Variants in GATA4 observed in about 807,000 individuals in gnomAD.
GATA4 encodes GATA binding protein 4.
GATA4 carries 7 observed loss-of-function variants against 37.9 expected under a neutral mutation model. The observed-to-expected ratio is 0.18, with a 90% CI of 0.11 to 0.35. The LOEUF is 0.35. Among genes scored for constraint, GATA4 ranks in the 10% least tolerant of loss-of-function variants. GATA4 has a pLI of 1.00. For missense variants in GATA4, 647 were observed against 653.0 expected (o/e 0.99, Z 0.10); for synonymous variants, 372 against 292.6 (o/e 1.27, Z -2.77).
chr8:11,757,722 C>A (rs903333767), intron 6 of GATA4, among the ~76,000 whole-genome samples: 12 of 152,230 alleles, frequency 7.9e-5, no homozygotes, highest in African/African-American at 2.9e-4. Flanking sequence ...GCCCATGTTC[C>A]CTCTGGCGGA....
At chr8:11,739,660 C>G (rs1052279575) in intron 2 of GATA4, among the ~76,000 whole-genome samples, 2 of 151,686 alleles carry the variant, frequency 1.3e-5, no homozygotes, top group Non-Finnish European at 2.9e-5. Context: ...GACGCTGTCC[C>G]ATCGTCATTT....
intron 2 of GATA4, among the ~76,000 whole-genome samples, chr8:11,723,010 A>G (rs73663201): frequency 0.028 from 4,208 of 152,274 alleles, 189 homozygotes; most frequent in African/African-American, 0.096. Context: ...GCATCCTTCA[A>G]CAATTACCAA....
intron 2 of GATA4, among the ~76,000 whole-genome samples, chr8:11,728,238 C>G (rs559903783): frequency 1.3e-5 from 2 of 152,374 alleles, no homozygotes; most frequent in East Asian, 3.9e-4. Flanking sequence ...ATCCACCGCC[C>G]TTGACCTCCC....
intron 1 of GATA4, among the ~76,000 whole-genome samples, chr8:11,679,540 C>T (rs986073779): frequency 4.6e-5 from 7 of 152,254 alleles, no homozygotes; most frequent in Non-Finnish European, 1.0e-4. Context: ...GGAACCCCGA[C>T]TGCTGGGGTC....
intron 2 of GATA4, among the ~76,000 whole-genome samples, chr8:11,728,027 G>T (rs1340053216): frequency 1.3e-5 from 2 of 152,226 alleles, no homozygotes; most frequent in African/African-American, 2.4e-5. Flanking sequence ...TTTCACGCTT[G>T]TTGCCCAGGC....
At chr8:11,723,208 T>C (rs1297703298) in intron 2 of GATA4, among the ~76,000 whole-genome samples, 3 of 151,844 alleles carry the variant, frequency 2.0e-5, no homozygotes, top group Non-Finnish European at 4.4e-5. Flanking sequence ...AATAAATAAA[T>C]TAGGCAGGGG....
intron 4 of GATA4, among the ~76,000 whole-genome samples, chr8:11,752,149 A>G (rs1040704169): frequency 6.6e-6 from 1 of 152,204 alleles, no homozygotes; most frequent in Non-Finnish European, 1.5e-5. Context: ...AAAATGAAAA[A>G]GCACATTGCA....
chr8:11,745,338 C>T (rs1366982457), intron 2 of GATA4, among the ~76,000 whole-genome samples: 2 of 144,020 alleles, frequency 1.4e-5, no homozygotes. Context: ...CTTTGGAAGG[C>T]TGAGGTGGGA....
chr8:11,715,004 C>T (rs1800375091), intron 2 of GATA4, among the ~76,000 whole-genome samples: 2 of 152,040 alleles, frequency 1.3e-5, no homozygotes, highest in Admixed American at 1.3e-4. Context: ...CAGCATTGCT[C>T]GTAATAACAA....
Position 11,758,744 on chromosome 8 carries a change from C to G in GATA4, c.*269C>G. The G allele has an allele frequency of 3.9e-6, 2 of 516,312 alleles. No individual in the cohort carries two copies. Among genetic ancestry groups the G allele is most frequent in the South Asian group, 4.0e-5 (2 of 49,570 alleles). 32.0% of individuals were successfully genotyped at this position (516,312 alleles called of 1,614,324 possible). On this transcript the variant is annotated 3_prime_UTR_variant, in exon 7 of 7. Coordinates refer to ENST00000532059, the MANE Select transcript of GATA4 (RefSeq NM_001308093.3). ...TCCTGTGAGTTGGAGACTTCTTTCC[C>G]AAGATGTCCTTGTCCCCTGCGTTCC...
chr8:11,683,297 G>A (rs777731739), intron 1 of GATA4, among the ~76,000 whole-genome samples: 2 of 152,204 alleles, frequency 1.3e-5, no homozygotes, highest in Admixed American at 6.5e-5. Context: ...ACAGGTGGCA[G>A]GGGGATTAAT....
chr8:11,736,603 G>A (rs1563218471), intron 2 of GATA4, among the ~76,000 whole-genome samples: 1 of 152,262 alleles, frequency 6.6e-6, no homozygotes, highest in Non-Finnish European at 1.5e-5. Context: ...CCCGGGGGGT[G>A]TGGATGTGGA....
chr8:11,725,102 C>G (rs1008592240), intron 2 of GATA4, among the ~76,000 whole-genome samples: 1 of 152,208 alleles, frequency 6.6e-6, no homozygotes, highest in African/African-American at 2.4e-5. Context: ...GAAGGAGTCA[C>G]GCTCTGTCCT....
upstream of GATA4, chr8:11,700,855 G>A (rs911047949): frequency 6.6e-6 from 1 of 152,218 alleles, no homozygotes. Context: ...TTTTTCAGAT[G>A]TTGCTTTTGT....
At chr8:11,691,605 A>T (rs1563189222), upstream of GATA4, among the ~76,000 whole-genome samples, 1 of 152,188 alleles carries the variant, frequency 6.6e-6, no homozygotes, top group African/African-American at 2.4e-5. Flanking sequence ...TGGACAGAAA[A>T]CTAAGGCTTA....
chr8:11,727,192 A>G (rs889457021), intron 2 of GATA4, among the ~76,000 whole-genome samples: 1 of 152,204 alleles, frequency 6.6e-6, no homozygotes, highest in Admixed American at 6.5e-5. Flanking sequence ...AAACCTTCAC[A>G]GAAGTGACAA....
chr8:11,684,002 G>A (rs1488597822), intron 1 of GATA4, among the ~76,000 whole-genome samples: 1 of 152,230 alleles, frequency 6.6e-6, no homozygotes. Flanking sequence ...TGACTCCCAA[G>A]TCTCCGGGTT....
At chr8:11,682,786 T>C (rs1799013196) in intron 1 of GATA4, among the ~76,000 whole-genome samples, 1 of 152,204 alleles carries the variant, frequency 6.6e-6, no homozygotes, top group East Asian at 1.9e-4. Flanking sequence ...TCCCCGTTTG[T>C]GCAAAAACAC....
intron 2 of GATA4, among the ~76,000 whole-genome samples, chr8:11,740,207 G>C (rs1227494091): frequency 6.6e-6 from 1 of 152,168 alleles, no homozygotes. Context: ...TTTCTGGAAG[G>C]GGGCAAGTCA....
Sources: gnomAD v4.1 joint callset for allele counts (sites outside exome capture counted in the v4.1 genomes callset) on GRCh38, gnomAD v4.1.1 for gene constraint, MANE v1.5 for transcripts, NCBI Gene and HGNC (gene_info 2026-07-23, HGNC 2026-07-21) for gene names.